Variants in CACNA2D1 observed in about 807,000 individuals in gnomAD.
CACNA2D1 encodes the protein voltage-dependent calcium channel subunit alpha-2/delta-1.
A neutral mutation model predicts 171.5 loss-of-function variants in CACNA2D1; 53 were observed. That is an observed-to-expected ratio of 0.31 (90% CI 0.25 to 0.39). The LOEUF (loss-of-function observed/expected upper bound fraction) is 0.39. CACNA2D1 is among the 10% of genes least tolerant of loss of function. The probability of loss-of-function intolerance (pLI) is 1.00; values close to 1 mark genes in which losing one functional copy is unlikely to be tolerated. For missense variants in CACNA2D1, 903 were observed against 1,299.8 expected, an observed-to-expected ratio of 0.69 and a Z score of 4.69; for synonymous variants, 442 against 443.1, an observed-to-expected ratio of 1.00 and a Z score of 0.03.
chr7:82,028,960 T>G (rs541046723), intron 12 of CACNA2D1: 3 of 152,000 alleles, frequency 2.0e-5, no homozygotes, highest in African/African-American at 7.2e-5. Context: ...GATAAAGCAG[T>G]GCCAGGGTTT....
intron 1 of CACNA2D1, among the ~76,000 whole-genome samples, chr7:82,441,424 A>G (rs1157495721): frequency 1.3e-5 from 2 of 152,070 alleles, no homozygotes; most frequent in East Asian, 3.8e-4. Context: ...AATATCTTGA[A>G]TTTTCATCGT....
At chr7:82,230,006 C>T (rs1293221079) in intron 3 of CACNA2D1, among the ~76,000 whole-genome samples, 3 of 152,162 alleles carry the variant, frequency 2.0e-5, no homozygotes, top group Non-Finnish European at 4.4e-5. Flanking sequence ...TTTATCTATT[C>T]ATGTAATTTA....
At chr7:81,998,123 A>C (rs37115) in intron 18 of CACNA2D1, among the ~76,000 whole-genome samples, 3,307 of 152,130 alleles carry the variant, frequency 0.022, 121 homozygotes, top group African/African-American at 0.074. Context: ...TTTGATAAAC[A>C]AAATACAGTC....
intron 19 of CACNA2D1, among the ~76,000 whole-genome samples, chr7:81,996,392 A>AT (rs1245725291): frequency 6.6e-6 from 1 of 150,988 alleles, no homozygotes; most frequent in African/African-American, 2.5e-5. Context: ...TACAATTGAA[A>AT]TGCAGTGACA....
At chr7:82,097,468 G>GA (rs1438743327) in intron 6 of CACNA2D1, among the ~76,000 whole-genome samples, 5 of 151,868 alleles carry the variant, frequency 3.3e-5, no homozygotes, top group Non-Finnish European at 7.4e-5. Flanking sequence ...AAGATGTTGA[G>GA]AAAAAATCTA....
intron 3 of CACNA2D1, among the ~76,000 whole-genome samples, chr7:82,282,338 T>C (rs184118025): frequency 6.6e-6 from 1 of 152,116 alleles, no homozygotes; most frequent in Non-Finnish European, 1.5e-5. Context: ...AATCTGTTAT[T>C]GCAGTTATGT....
At chr7:82,141,606 T>C (rs1186932702) in intron 4 of CACNA2D1, among the ~76,000 whole-genome samples, 1 of 151,880 alleles carries the variant, frequency 6.6e-6, no homozygotes, top group Non-Finnish European at 1.5e-5. Flanking sequence ...AGATGAATAA[T>C]ATCTACACCC....
chr7:82,170,735 T>C (rs1233865721), intron 3 of CACNA2D1, 126 bp from the exon 4 acceptor site: 2 of 828,152 alleles, frequency 2.4e-6, no homozygotes, highest in African/African-American at 1.7e-5. Context: ...TTATTTATGA[T>C]TCATAAATTC....
chr7:81,952,283 T>C (rs1165785782), intron 38 of CACNA2D1, among the ~76,000 whole-genome samples: 2 of 151,952 alleles, frequency 1.3e-5, no homozygotes, highest in African/African-American at 4.8e-5. Context: ...CAGGATAATT[T>C]TACAAAGATT....
chr7:82,349,713 AT>A, intron 1 of CACNA2D1, 64 bp from the exon 2 acceptor site: 1 of 1,206,382 alleles, frequency 8.3e-7, no homozygotes, highest in Non-Finnish European at 1.2e-6. Context: ...ACATGCTGAT[AT>A]TTTATATCCA....
At chr7:82,012,090 G>A (rs1799854835) in intron 15 of CACNA2D1, 64 bp downstream of exon 15, 9 of 987,434 alleles carry the variant, frequency 9.1e-6, no homozygotes, top group South Asian at 2.6e-5. Flanking sequence ...CATCTAGAAA[G>A]AAGTAGAAAT....
Position 81,967,051 on chromosome 7 carries a change from A to G in CACNA2D1, c.2502+118T>C, listed in dbSNP as rs1712430654. On this transcript the variant is annotated intron_variant, in intron 31 of 38. Transcript: ENST00000356860. ...AATGAATATATTATTTCACATTTCC[A>G]TAGAATTTTTTAGCCTTTGATTAAA... 18 of 691,304 alleles carry G rather than the reference A, an allele frequency of 2.6e-5. 1 individual carries two copies. The South Asian group carries it at 2.9e-4, about 11-fold the overall frequency. The allele number at this position is 691,304 out of a possible 1,614,324, so 42.8% of individuals were successfully genotyped here.
At chr7:82,289,900 A>G (rs753425694) in intron 3 of CACNA2D1, among the ~76,000 whole-genome samples, 1 of 150,818 alleles carries the variant, frequency 6.6e-6, no homozygotes, top group Non-Finnish European at 1.5e-5. Flanking sequence ...CCCCAAGACA[A>G]GTATTTTCCA....
At chr7:82,043,910 T>C (rs968567189) in intron 10 of CACNA2D1, among the ~76,000 whole-genome samples, 37 of 152,296 alleles carry the variant, frequency 2.4e-4, no homozygotes, top group Non-Finnish European at 4.9e-4. Context: ...AATGGTTTAG[T>C]GCAGTCAAGT....
At chr7:82,379,061 A>G (rs1305948469) in intron 1 of CACNA2D1, among the ~76,000 whole-genome samples, 1 of 151,950 alleles carries the variant, frequency 6.6e-6, no homozygotes, top group Admixed American at 6.6e-5. Context: ...ATGTAAAATT[A>G]TATCTGTCTC....
intron 10 of CACNA2D1, among the ~76,000 whole-genome samples, 155 bp from the exon 11 acceptor site, chr7:82,038,390 C>T (rs1251086056): frequency 6.6e-6 from 1 of 152,142 alleles, no homozygotes; most frequent in Admixed American, 6.5e-5. Flanking sequence ...CATTAAGAAA[C>T]CAATGGCTAT....
rs989037031 is a variant in CACNA2D1, at chr7:81,964,505, G to A, written c.2575-146C>T. 8 of 641,926 alleles carry A rather than the reference G, an allele frequency of 1.2e-5. No homozygotes were observed. The East Asian group carries it at 1.4e-4, about 11-fold the overall frequency. The allele number at this position is 641,926 out of a possible 1,614,324, so 39.8% of individuals were successfully genotyped here. A position where few individuals can be genotyped will look rare whatever the true frequency, so the allele number is the denominator to read the frequency against. On this transcript the variant is annotated intron_variant, in intron 32 of 38. Transcript: ENST00000356860. ...TTAAAAACAAAAGCAAATGAGAAAC[G>A]TGTATATGACACTGTGAACAAACTA...
chr7:81,960,807 A>G (rs1205446123), intron 36 of CACNA2D1, among the ~76,000 whole-genome samples: 1 of 152,056 alleles, frequency 6.6e-6, no homozygotes, highest in African/African-American at 2.4e-5. Context: ...TCCAATAAAC[A>G]TGCCACAATC....
chr7:82,379,219 T>C (rs1823397955), intron 1 of CACNA2D1, among the ~76,000 whole-genome samples: 1 of 151,912 alleles, frequency 6.6e-6, no homozygotes, highest in Non-Finnish European at 1.5e-5. Flanking sequence ...TTGTAAGCTT[T>C]AAAAATTACA....
Sources: allele counts gnomAD v4.1 joint callset (sites outside exome capture counted in the v4.1 genomes callset), GRCh38; gene constraint gnomAD v4.1.1; transcripts MANE v1.5; gene names NCBI Gene and HGNC (gene_info 2026-07-23, HGNC 2026-07-21).